OR6C74: variants seen among roughly 807,000 people sequenced by gnomAD.
The protein encoded by OR6C74 is olfactory receptor 6C74.
For synonymous variants in OR6C74, 142 were observed against 134.2 expected, an observed-to-expected ratio of 1.06 and a Z score of -0.40; for missense variants, 361 against 362.9, an observed-to-expected ratio of 0.99 and a Z score of 0.04.
rs980343947 is a variant in OR6C74 at position 55,255,255 on chromosome 12, C to A, written c.*7029C>A. Among the ~76,000 whole-genome samples, 33 of 152,070 alleles carry A rather than the reference C, an allele frequency of 2.2e-4. No homozygotes were observed. The highest frequency in any genetic ancestry group is 5.9e-5 in the Non-Finnish European group (4 of 67,980). ...CCCATGGAGCCCCCTCTGCATTGCA[C>A]CCCCTGGGGACTGGGAGGCAAAGGG... On this transcript the variant is annotated 3_prime_UTR_variant, in exon 2 of 2. Coordinates refer to ENST00000343399, the MANE Select transcript of OR6C74 (RefSeq NM_001005490.2).
chr12:55,247,444 C>T lies in OR6C74; in HGVS notation c.157C>T (p.Leu53Phe). ...CACTCTCACCCTACTGGATTTGCAT[C>T]TCAAGACACCCATGTATTTCTTCCT... ...IITLTLLDLH[L>F]KTPMYFFLRN... The change falls in exon 2 of 2, where the codon CTC becomes TTC. Residue 53 changes from leucine to phenylalanine, a missense_variant. By Grantham distance (22) the Leu-to-Phe change is conservative. Transcript: ENST00000343399. 6.2e-7 allele frequency: 1 copy of T among 1,613,924 alleles called. No homozygotes were observed. Among genetic ancestry groups the T allele is most frequent in the Non-Finnish European group, 8.5e-7 (1 of 1,179,842 alleles).
intron 1 of OR6C74, among the ~76,000 whole-genome samples, chr12:55,246,167 G>GA (rs1314137097): frequency 6.6e-6 from 1 of 152,192 alleles, no homozygotes; most frequent in East Asian, 1.9e-4. Context: ...GCATGGTCTG[G>GA]AAAAAGATAG....
At position 55,244,613 on chromosome 12, in the gene OR6C74, T is replaced by C. The variant is rs747822851; in HGVS notation, c.-214T>C. On this transcript the variant is annotated 5_prime_UTR_variant, in exon 1 of 2. Transcript: ENST00000343399. ...AAACTATAAGCTATCGTATTCCTCG[T>C]ATAGACTAGAAACACCTCAGCGTGA... Among the ~76,000 whole-genome samples, 60 of 152,142 alleles carry C rather than the reference T, an allele frequency of 3.9e-4. No homozygotes were observed. The highest frequency in any genetic ancestry group is 7.4e-4 in the Non-Finnish European group (50 of 67,972).
At position 55,244,669 on chromosome 12, in the gene OR6C74, T is replaced by C. The variant is rs1236717808; in HGVS notation, c.-158T>C. Among the ~76,000 whole-genome samples, 1 of 152,026 alleles carries C rather than the reference T, an allele frequency of 6.6e-6. No homozygotes were observed. Among genetic ancestry groups the C allele is most frequent in the Non-Finnish European group, 1.5e-5 (1 of 67,940 alleles). ...AAGCTAGAAACCTTCTCTTTGTTCT[T>C]CTTCTCTCTAGATTATATATACACA... On this transcript the variant is annotated 5_prime_UTR_variant, in exon 1 of 2. Transcript: ENST00000343399.
Position 55,248,164 on chromosome 12 carries a change from A to G in OR6C74, c.877A>G (p.Lys293Glu). Residue 293 changes from lysine to glutamate, a missense_variant, in exon 2 of 2, where the codon AAA becomes GAA. Transcript: ENST00000343399. ...LNPFIYTLRN[K>E]QVKDVFKHTV... is the part of the protein sequence containing the mutation. ...TCCCTTTATTTATACACTGAGAAAC[A>G]AACAAGTAAAAGATGTTTTTAAGCA... 6.2e-7 allele frequency: 1 copy of G among 1,613,666 alleles called. No homozygotes were observed. The highest frequency in any genetic ancestry group is 8.5e-7 in the Non-Finnish European group (1 of 1,179,806).
rs548017660 is a variant in OR6C74 at position 55,247,698 on chromosome 12, A to G, written c.411A>G (p.Arg137=). 12 of 1,614,036 alleles carry G rather than the reference A, an allele frequency of 7.4e-6. No homozygotes were observed. The African/African-American group carries it at 1.5e-4, about 20-fold the overall frequency. Residue 137 remains arginine (R), a synonymous_variant, in exon 2 of 2, where the codon AGA becomes AGG. Transcript: ENST00000343399. ...ATTACACCACCATCATGAGCAGCAG[A>G]GTTTGCAGCTTGCTGGTCTTTGCTT... is the stretch of plus-strand genomic sequence containing the variant. The part of the protein sequence containing the change: ...PLHYTTIMSS[R]VCSLLVFASW...
chr12:55,249,317 C>T lies in OR6C74; in HGVS notation c.*1091C>T, dbSNP rs1173618124. ...GTGTTATAAGACAAGAAAACTTTTT[C>T]TGAAAGACTAATGTCAGTTTCCTCA... On this transcript the variant is annotated 3_prime_UTR_variant, in exon 2 of 2. Coordinates refer to ENST00000343399, the MANE Select transcript of OR6C74 (RefSeq NM_001005490.2). 6.6e-6 allele frequency among the ~76,000 whole-genome samples: 1 copy of T among 152,106 alleles called. No homozygotes were observed. The highest frequency in any genetic ancestry group is 1.9e-4 in the East Asian group (1 of 5,196).
At position 55,254,876 on chromosome 12, in the gene OR6C74, C is replaced by T. The variant is rs1277735700; in HGVS notation, c.*6650C>T. Among the ~76,000 whole-genome samples the T allele has an allele frequency of 6.6e-6, 1 of 152,094 alleles. No homozygotes were observed. The highest frequency in any genetic ancestry group is 1.5e-5 in the Non-Finnish European group (1 of 68,004). On this transcript the variant is annotated 3_prime_UTR_variant, in exon 2 of 2. Coordinates refer to ENST00000343399, the MANE Select transcript of OR6C74 (RefSeq NM_001005490.2). ...CTCAGACCTTTCAAGATGATATTAA[C>T]TAATTATAAATTACCCTTCTTAAGG...
chr12:55,248,037 T>C lies in OR6C74; in HGVS notation c.750T>C (p.Tyr250=), dbSNP rs1444599432. Residue 250 remains tyrosine, a synonymous_variant, in exon 2 of 2, where the codon TAT becomes TAC. Transcript: ENST00000343399. ...ACATGGTGGTCGTGTCCATTTCTTATGGCAGCTGCATCTTCATGTATGTGA... is the reference window on the plus strand; with the variant it reads ...ACATGGTGGTCGTGTCCATTTCTTACGGCAGCTGCATCTTCATGTATGTGA... ...SSHMVVVSIS[Y]GSCIFMYVKP... The C allele has an allele frequency of 6.2e-7, 1 of 1,613,976 alleles. No individual in the cohort carries two copies. Among genetic ancestry groups the C allele is most frequent in the Non-Finnish European group, 8.5e-7 (1 of 1,179,994 alleles).
chr12:55,247,479 C>T lies in OR6C74; in HGVS notation c.192C>T (p.Phe64=), dbSNP rs11171389. ...KTPMYFFLRN[F]SFLEVSFTTV... is the part of the protein sequence containing the mutation. ...CCATGTATTTCTTCCTCCGAAATTT[C>T]TCATTTTTAGAAGTCTCATTCACAA... The change falls in exon 2 of 2, where the codon TTC becomes TTT. Residue 64 remains phenylalanine (F), a synonymous_variant. Coordinates refer to ENST00000343399, the MANE Select transcript of OR6C74 (RefSeq NM_001005490.2). 16,153 of 1,613,694 alleles carry T rather than the reference C, an allele frequency of 0.01. 1,402 individuals carry two copies. In the African/African-American group the frequency reaches 0.19, roughly 19 times the overall value.
In OR6C74 at chr12:55,250,727, A is replaced by T. The variant is rs1481973397; in HGVS notation, c.*2501A>T. ...TTTTTCTGGAAGTGAAAAGGAAAAA[A>T]ATAACCAACTGTTTTTCACCAGTAT... On this transcript the variant is annotated 3_prime_UTR_variant, in exon 2 of 2. Transcript: ENST00000343399. 6.6e-6 allele frequency among the ~76,000 whole-genome samples: 1 copy of T among 152,110 alleles called. No individual in the cohort carries two copies. Among genetic ancestry groups the T allele is most frequent in the Non-Finnish European group, 1.5e-5 (1 of 67,996 alleles).
rs867748565 is a variant in OR6C74 at position 55,247,980 on chromosome 12, G to A, written c.693G>A (p.Gln231=). The A allele has an allele frequency of 1.2e-6, 2 of 1,613,518 alleles. No homozygotes were observed. The highest frequency in any genetic ancestry group is 2.2e-5 in the South Asian group (2 of 91,032). ...RTILKIPSSQ[Q]RKKAFSTCSS... ...TTCTGAAAATACCTTCTTCTCAACA[G>A]AGAAAAAAAGCATTTTCTACATGTT... Residue 231 remains glutamine, a synonymous_variant, in exon 2 of 2, where the codon CAG becomes CAA. Coordinates refer to ENST00000343399, the MANE Select transcript of OR6C74 (RefSeq NM_001005490.2).
In OR6C74 at chr12:55,255,463, A is replaced by G. The variant is rs896340516; in HGVS notation, c.*7237A>G. Among the ~76,000 whole-genome samples the G allele has an allele frequency of 6.6e-6, 1 of 152,084 alleles. No individual in the cohort carries two copies. The highest frequency in any genetic ancestry group is 2.4e-5 in the African/African-American group (1 of 41,366). Reference sequence around the variant, plus strand: ...ACTGGGTATATACCCAAAGGATTATAAATCATTCTACTATAAAGACACATG... The same window carrying G: ...ACTGGGTATATACCCAAAGGATTATGAATCATTCTACTATAAAGACACATG... On this transcript the variant is annotated 3_prime_UTR_variant, in exon 2 of 2. Coordinates refer to ENST00000343399, the MANE Select transcript of OR6C74 (RefSeq NM_001005490.2).
rs552754687 is a variant in OR6C74 at position 55,250,268 on chromosome 12, A to C, written c.*2042A>C. ...TACTTTTAAAACTTATTCTTTATAC[A>C]TGAACTCTAAGCTCAGCTCTTTTTA... is the stretch of plus-strand genomic sequence containing the variant. On this transcript the variant is annotated 3_prime_UTR_variant, in exon 2 of 2. Transcript: ENST00000343399. Among the ~76,000 whole-genome samples, 113 of 152,270 alleles carry C rather than the reference A, an allele frequency of 7.4e-4. No homozygotes were observed. Among genetic ancestry groups the C allele is most frequent in the Admixed American group, 1.2e-3 (19 of 15,278 alleles).
At position 55,252,411 on chromosome 12, in the gene OR6C74, C is replaced by CTT. The variant is rs5798343; in HGVS notation, c.*4194_*4195dup. 0.038 allele frequency among the ~76,000 whole-genome samples: 5,624 copies of CTT among 148,610 alleles called. 121 individuals are homozygous for CTT. Among genetic ancestry groups the CTT allele is most frequent in the South Asian group, 0.066 (311 of 4,726 alleles). ...TATTCTTCAATCCCATTCAAATATG[C>CTT]TTTTTTTTTTGAAATTGACTACATT... On this transcript the variant is annotated 3_prime_UTR_variant, in exon 2 of 2. Transcript: ENST00000343399.
chr12:55,247,566 C>T lies in OR6C74; in HGVS notation c.279C>T (p.Asn93=), dbSNP rs144439510. 2.3e-5 allele frequency: 37 copies of T among 1,613,270 alleles called. No homozygotes were observed. In the South Asian group the frequency reaches 2.3e-4, roughly 10 times the overall value. ...MATGDKTISY[N]DCAAQLFFTI... ...CAGGTGATAAGACCATTTCTTACAA[C>T]GATTGTGCAGCACAGCTGTTTTTCA... The change falls in exon 2 of 2, where the codon AAC becomes AAT. Residue 93 remains asparagine, a synonymous_variant. Transcript: ENST00000343399.
rs1236715950 is a variant in OR6C74 at position 55,251,813 on chromosome 12, T to C, written c.*3587T>C. 6.6e-6 allele frequency among the ~76,000 whole-genome samples: 1 copy of C among 151,830 alleles called. No individual in the cohort carries two copies. The highest frequency in any genetic ancestry group is 2.4e-5 in the African/African-American group (1 of 41,430). On this transcript the variant is annotated 3_prime_UTR_variant, in exon 2 of 2. Transcript: ENST00000343399. ...AGTAAAAGAATAGTCAATATTATCA[T>C]AAATTTAGAAATTATGTCATATGAG...
chr12:55,251,325 T>C lies in OR6C74; in HGVS notation c.*3099T>C, dbSNP rs892966988. Among the ~76,000 whole-genome samples, 1 of 152,090 alleles carries C rather than the reference T, an allele frequency of 6.6e-6. No individual in the cohort carries two copies. The highest frequency in any genetic ancestry group is 2.4e-5 in the African/African-American group (1 of 41,446). On this transcript the variant is annotated 3_prime_UTR_variant, in exon 2 of 2. Coordinates refer to ENST00000343399, the MANE Select transcript of OR6C74 (RefSeq NM_001005490.2). ...TTAGTCACTTCATACTCAAATTTTG[T>C]AGTGTTTGTAGTCAACTCTAGATGG...
At chr12:55,246,135 G>T (rs1193454847) in intron 1 of OR6C74, among the ~76,000 whole-genome samples, 1 of 152,120 alleles carries the variant, frequency 6.6e-6, no homozygotes, top group Non-Finnish European at 1.5e-5. Context: ...AGACTTGTCA[G>T]GTGATAAACG....
Sources: gnomAD v4.1 joint callset for allele counts (sites outside exome capture counted in the v4.1 genomes callset) on GRCh38, gnomAD v4.1.1 for gene constraint, MANE v1.5 for transcripts, NCBI Gene and HGNC (gene_info 2026-07-23, HGNC 2026-07-21) for gene names.